FRMD7: variants seen among roughly 807,000 people sequenced by gnomAD.
The protein encoded by FRMD7 is FERM domain containing 7, also known as FERM domain-containing protein 7.
In FRMD7, 14 loss-of-function variants were observed where a neutral mutation model predicts 44.1. The ratio of observed to expected loss-of-function variants is 0.32; its 90% CI spans 0.21 to 0.50. The LOEUF (loss-of-function observed/expected upper bound fraction) is 0.50. Ranked by LOEUF, FRMD7 falls within the 20% of genes least tolerant of loss-of-function variation. FRMD7 has a pLI of 0.99. For missense variants in FRMD7, 501 were observed against 522.3 expected (o/e 0.96, Z 0.40); for synonymous variants, 212 against 187.4 (o/e 1.13, Z -1.07).
intron 1 of FRMD7, among the ~76,000 whole-genome samples, chrX:132,110,164 G>C (rs146397248): frequency 0.084 from 9,386 of 111,159 alleles, 307 homozygotes; most frequent in Middle Eastern, 0.11. Context: ...GGTGAGGCCT[G>C]AGAATATACT....
chrX:132,092,356 TAGAC>T (rs1238761463), intron 5 of FRMD7, among the ~76,000 whole-genome samples: 4 of 110,843 alleles, frequency 3.6e-5, no homozygotes, highest in Non-Finnish European at 5.7e-5. Context: ...AATGGAAAAT[TAGAC>T]AAATAAATGT....
intron 1 of FRMD7, among the ~76,000 whole-genome samples, chrX:132,126,000 T>TA (rs1221211313): frequency 9.0e-6 from 1 of 111,648 alleles, no homozygotes; most frequent in Non-Finnish European, 1.9e-5. Flanking sequence ...TCAAATGAAC[T>TA]AATGGATGTG....
chrX:132,107,604 G>GGAGAGACAGA (rs1556025736), intron 1 of FRMD7, among the ~76,000 whole-genome samples: 6,106 of 91,125 alleles, frequency 0.067, 173 homozygotes, highest in East Asian at 0.1. Context: ...TCTACATGGT[G>GGAGAGACAGA]GAGAGAGAGA....
intron 1 of FRMD7, among the ~76,000 whole-genome samples, chrX:132,107,669 A>G (rs1329724336): frequency 9.5e-6 from 1 of 104,836 alleles, no homozygotes. Flanking sequence ...AAAGCTAACA[A>G]TCTTATCAGA....
intron 1 of FRMD7, among the ~76,000 whole-genome samples, chrX:132,103,746 T>G (rs1928573751): frequency 8.9e-6 from 1 of 112,242 alleles, no homozygotes; most frequent in African/African-American, 3.2e-5. Context: ...GGGATTGTAA[T>G]CTTGCTCTCT....
At chrX:132,127,364 C>T (rs766557442) in intron 1 of FRMD7, among the ~76,000 whole-genome samples, 1 of 111,960 alleles carries the variant, frequency 8.9e-6, no homozygotes, top group Admixed American at 9.5e-5. Context: ...CCCCTTATAA[C>T]CCATAGGTTT....
chrX:132,110,408 G>T (rs1314170999), intron 1 of FRMD7, among the ~76,000 whole-genome samples: 2 of 110,925 alleles, frequency 1.8e-5, no homozygotes, highest in East Asian at 5.7e-4. Context: ...GTTGGACTTG[G>T]GGAGGTTAAG....
intron 9 of FRMD7, among the ~76,000 whole-genome samples, chrX:132,080,655 A>C (rs1212501249): frequency 9.0e-6 from 1 of 110,931 alleles, no homozygotes; most frequent in Non-Finnish European, 1.9e-5. Context: ...CTCTACAAAA[A>C]TAATAAAAAT....
At chrX:132,119,521 C>T (rs1928983478) in intron 1 of FRMD7, among the ~76,000 whole-genome samples, 1 of 111,521 alleles carries the variant, frequency 9.0e-6, no homozygotes, top group Non-Finnish European at 1.9e-5. Context: ...AGCGCCATGC[C>T]TAAGTGCTTC....
chrX:132,099,475 C>T lies in FRMD7; in HGVS notation c.198G>A (p.Gln66=). 8.3e-7 allele frequency: 1 copy of T among 1,199,881 alleles called. No individual in the cohort carries two copies. The highest frequency in any genetic ancestry group is 1.1e-6 in the Non-Finnish European group (1 of 887,324). ...WLELLKPITK[Q]VKNPKEIVFK... ...ATGATTTTCCATACTTACTTTTTACCTGCTTTGTTATGGGCTTCAAAAGCT... is the reference window on the plus strand; with the variant it reads ...ATGATTTTCCATACTTACTTTTTACTTGCTTTGTTATGGGCTTCAAAAGCT... Residue 66 remains glutamine, a synonymous_variant, in exon 3 of 12, where the codon CAG becomes CAA. Transcript: ENST00000298542.
At chrX:132,082,967 T>C (rs1249398794) in intron 8 of FRMD7, among the ~76,000 whole-genome samples, 1 of 112,142 alleles carries the variant, frequency 8.9e-6, no homozygotes, top group Non-Finnish European at 1.9e-5. Context: ...TGTTGTTTTC[T>C]TGAGACAAGG....
chrX:132,081,768 C>CTT (rs150405845), intron 9 of FRMD7, among the ~76,000 whole-genome samples: 1 of 110,670 alleles, frequency 9.0e-6, no homozygotes, highest in Non-Finnish European at 1.9e-5. Context: ...AAGACAAGAT[C>CTT]TTTTTTTTTA....
rs1190115600 is a variant in FRMD7, at chrX:132,127,998, G to A, written c.-154C>T. The A allele has an allele frequency of 3.8e-6, 2 of 521,313 alleles. No homozygotes were observed. The highest frequency in any genetic ancestry group is 3.6e-5 in the East Asian group (1 of 27,796). 43.0% of individuals were successfully genotyped at this position (521,313 alleles called of 1,213,427 possible). The stretch of plus-strand genomic sequence containing the variant: ...CGGGGCACACTTCCGTTTGCTTGAA[G>A]TAATGCACACCCAAGGGCATTTGTG... On this transcript the variant is annotated 5_prime_UTR_variant, in exon 1 of 12. Transcript: ENST00000298542.
At chrX:132,088,123 T>A (rs1928053809) in intron 5 of FRMD7, among the ~76,000 whole-genome samples, 1 of 112,387 alleles carries the variant, frequency 8.9e-6, no homozygotes. Flanking sequence ...ATCAAGTGCC[T>A]GCCACATCTA....
intron 2 of FRMD7, among the ~76,000 whole-genome samples, chrX:132,100,276 C>A (rs977392165): frequency 9.0e-6 from 1 of 111,445 alleles, no homozygotes; most frequent in Non-Finnish European, 1.9e-5. Flanking sequence ...GGATTACAGG[C>A]ACACACCACC....
At chrX:132,085,549 A>G (rs1927955512) in intron 7 of FRMD7, 32 bp downstream of exon 7, 1 of 1,200,895 alleles carries the variant, frequency 8.3e-7, no homozygotes, top group Non-Finnish European at 1.1e-6. Context: ...CCCTCACTAA[A>G]GCTGAAGGGC....
chrX:132,104,572 A>G (rs1392839363), intron 1 of FRMD7, among the ~76,000 whole-genome samples: 1 of 111,528 alleles, frequency 9.0e-6, no homozygotes. Flanking sequence ...GGGTGCCTGT[A>G]GTCCCAGCTA....
chrX:132,097,409 A>ACACACACACACACACACC (rs1928371420), intron 3 of FRMD7, 65 bp from the exon 4 acceptor site: 2 of 605,813 alleles, frequency 3.3e-6, no homozygotes, highest in Non-Finnish European at 5.8e-6. Context: ...AGGTACACAC[A>ACACACACACACACACACC]CACACACACA....
chrX:132,104,856 T>G (rs934986775), intron 1 of FRMD7, among the ~76,000 whole-genome samples: 6 of 112,400 alleles, frequency 5.3e-5, no homozygotes, highest in African/African-American at 1.9e-4. Flanking sequence ...TGAAAATATT[T>G]TTGACAAGCT....
Sources: gnomAD v4.1 joint callset for allele counts (sites outside exome capture counted in the v4.1 genomes callset) on GRCh38, gnomAD v4.1.1 for gene constraint, MANE v1.5 for transcripts, NCBI Gene and HGNC (gene_info 2026-07-23, HGNC 2026-07-21) for gene names.